Variants in NFIA observed in about 807,000 individuals in gnomAD.
NFIA encodes nuclear factor I A.
NFIA carries 8 observed loss-of-function variants against 62.8 expected under a neutral mutation model. That is an observed-to-expected ratio of 0.13 (90% CI 0.07 to 0.23). The LOEUF is 0.23. Ranked by LOEUF, NFIA falls within the 10% of genes least tolerant of loss-of-function variation. The pLI is 1.00. For synonymous variants in NFIA, 235 were observed against 238.1 expected (o/e 0.99, Z 0.12); for missense variants, 410 against 642.1 (o/e 0.64, Z 3.91).
chr1:61,352,392 T>A, intron 4 of NFIA, 58 bp from the exon 5 acceptor site: 6 of 1,199,650 alleles, frequency 5.0e-6, no homozygotes, highest in Non-Finnish European at 7.4e-6. Flanking sequence ...GAGGATGCTG[T>A]CATTGATTTT....
intron 2 of NFIA, among the ~76,000 whole-genome samples, chr1:61,091,507 C>G (rs773538973): frequency 6.6e-6 from 1 of 152,136 alleles, no homozygotes; most frequent in African/African-American, 2.4e-5. Flanking sequence ...GGAGTGATTT[C>G]ATAAGCCTGA....
intron 2 of NFIA, chr1:61,124,757 A>G (rs1425162422): frequency 6.6e-6 from 1 of 152,162 alleles, no homozygotes; most frequent in African/African-American, 2.4e-5. Context: ...TTATTCCCCT[A>G]TTTGAAAAAT....
At chr1:61,167,571 T>C (rs1382576686) in intron 2 of NFIA, among the ~76,000 whole-genome samples, 1 of 152,186 alleles carries the variant, frequency 6.6e-6, no homozygotes, top group South Asian at 2.1e-4. Flanking sequence ...TTTTATTGAT[T>C]ATAATTAAGT....
At chr1:61,214,015 G>A (rs1044963996) in intron 2 of NFIA, among the ~76,000 whole-genome samples, 13 of 152,160 alleles carry the variant, frequency 8.5e-5, no homozygotes, top group African/African-American at 2.7e-4. Flanking sequence ...AGTGAGTTTC[G>A]TCGGAAGTAT....
At chr1:61,322,845 T>C (rs540502231) in intron 3 of NFIA, among the ~76,000 whole-genome samples, 1 of 152,334 alleles carries the variant, frequency 6.6e-6, no homozygotes, top group Admixed American at 6.5e-5. Context: ...CCTTGTGTTA[T>C]TTTACCTGTT....
At chr1:61,420,754 T>C (rs1355398472) in intron 9 of NFIA, among the ~76,000 whole-genome samples, 2 of 152,200 alleles carry the variant, frequency 1.3e-5, no homozygotes, top group East Asian at 1.9e-4. Context: ...ATCTTGATAT[T>C]TGAGATGAGA....
intron 2 of NFIA, among the ~76,000 whole-genome samples, chr1:61,133,258 G>A (rs900485305): frequency 2.0e-5 from 3 of 151,246 alleles, no homozygotes; most frequent in African/African-American, 7.3e-5. Flanking sequence ...AAGGGAGGCG[G>A]GAGTGGCTGG....
chr1:61,107,244 G>A (rs1285731931), intron 2 of NFIA, among the ~76,000 whole-genome samples: 2 of 151,268 alleles, frequency 1.3e-5, no homozygotes, highest in Non-Finnish European at 3.0e-5. Context: ...AAAAGATAGT[G>A]ATATTTTATC....
At chr1:61,251,706 C>T (rs1347694490) in intron 2 of NFIA, among the ~76,000 whole-genome samples, 5 of 152,104 alleles carry the variant, frequency 3.3e-5, no homozygotes, top group East Asian at 1.9e-4. Flanking sequence ...TGTCAGACTA[C>T]GTGATGTTAA....
chr1:61,195,763 G>T lies in NFIA; in HGVS notation c.560-81757G>T, dbSNP rs561612097. Among the ~76,000 whole-genome samples the T allele has an allele frequency of 5.9e-5, 9 of 152,212 alleles. No homozygotes were observed. In the South Asian group the frequency reaches 1.9e-3, roughly 32 times the overall value. On this transcript the variant is annotated intron_variant, in intron 2 of 10. Transcript: ENST00000403491. ...ATTTACATACTTTTTAGAACCACAAGAAATATCTCTTTTAAAAGCTACTTT... is the reference window on the plus strand; with the variant it reads ...ATTTACATACTTTTTAGAACCACAATAAATATCTCTTTTAAAAGCTACTTT...
chr1:61,233,340 C>T (rs1462220735), intron 2 of NFIA, among the ~76,000 whole-genome samples: 1 of 152,144 alleles, frequency 6.6e-6, no homozygotes, highest in Admixed American at 6.5e-5. Flanking sequence ...TACTGAATAC[C>T]AGGTGATTCA....
intron 2 of NFIA, among the ~76,000 whole-genome samples, chr1:61,164,476 T>G (rs1649430838): frequency 6.6e-6 from 1 of 152,080 alleles, no homozygotes; most frequent in African/African-American, 2.4e-5. Flanking sequence ...GTTTGTTTTT[T>G]GGAGATGGAG....
At chr1:61,348,105 T>C (rs1254610092) in intron 4 of NFIA, among the ~76,000 whole-genome samples, 1 of 152,192 alleles carries the variant, frequency 6.6e-6, no homozygotes. Flanking sequence ...GCTCTTTCTG[T>C]TCTCCAGATT....
intron 3 of NFIA, among the ~76,000 whole-genome samples, chr1:61,298,151 GT>G (rs1659290757): frequency 6.6e-6 from 1 of 152,148 alleles, no homozygotes. Flanking sequence ...TATGGGGGCA[GT>G]TTCCCCCACG....
At chr1:61,106,069 A>G (rs1197872444) in intron 2 of NFIA, among the ~76,000 whole-genome samples, 1 of 150,290 alleles carries the variant, frequency 6.7e-6, no homozygotes, top group African/African-American at 2.5e-5. Flanking sequence ...CCTTCTGCCA[A>G]ACCACAAAAA....
chr1:61,459,298 G>C lies in NFIA; in HGVS notation c.*3978G>C, dbSNP rs1466538724. 1.3e-5 allele frequency: 2 copies of C among 151,876 alleles called. No homozygotes were observed. The highest frequency in any genetic ancestry group is 4.9e-5 in the African/African-American group (2 of 40,990). 9.4% of individuals were successfully genotyped at this position (151,876 alleles called of 1,614,324 possible). The stretch of plus-strand genomic sequence containing the variant: ...GTTTGTTTGTTTGTTTTTTCTTTGG[G>C]AACTGAAGTCAGAGGCACGAACACT... On this transcript the variant is annotated 3_prime_UTR_variant, in exon 11 of 11. Transcript: ENST00000403491.
intron 3 of NFIA, among the ~76,000 whole-genome samples, chr1:61,329,733 C>T (rs1661188384): frequency 6.6e-6 from 1 of 152,148 alleles, no homozygotes; most frequent in African/African-American, 2.4e-5. Context: ...GTATCTTGTG[C>T]CCCTAGCATG....
intron 2 of NFIA, among the ~76,000 whole-genome samples, chr1:61,247,961 G>A (rs1420659383): frequency 6.6e-6 from 1 of 152,068 alleles, no homozygotes; most frequent in African/African-American, 2.4e-5. Context: ...ATCTTTCATT[G>A]TTATTTCTGA....
At chr1:61,215,794 A>G (rs1653577295) in intron 2 of NFIA, among the ~76,000 whole-genome samples, 1 of 152,236 alleles carries the variant, frequency 6.6e-6, no homozygotes, top group African/African-American at 2.4e-5. Flanking sequence ...GAAGTATTTC[A>G]GGACTCATTT....
Sources: gnomAD v4.1 joint callset for allele counts (sites outside exome capture counted in the v4.1 genomes callset) on GRCh38, gnomAD v4.1.1 for gene constraint, MANE v1.5 for transcripts, NCBI Gene and HGNC (gene_info 2026-07-23, HGNC 2026-07-21) for gene names.